SMARCA2: variants seen among roughly 807,000 people sequenced by gnomAD.
SMARCA2 encodes SWI/SNF-related matrix-associated actin-dependent regulator of chromatin subfamily A member 2.
Under a neutral mutation model 199.8 loss-of-function variants are expected in SMARCA2, and 61 were observed. That is an observed-to-expected ratio of 0.31 (90% confidence interval 0.25 to 0.38). The LOEUF (loss-of-function observed/expected upper bound fraction) is 0.38, where lower values mean the gene tolerates loss of function less well. SMARCA2 is among the 10% of genes least tolerant of loss of function. The probability of loss-of-function intolerance (pLI) is 1.00; values close to 1 mark genes in which losing one functional copy is unlikely to be tolerated. For missense variants in SMARCA2, 1,344 were observed against 2,012.2 expected, an observed-to-expected ratio of 0.67 and a Z score of 6.35; for synonymous variants, 935 against 732.0, an observed-to-expected ratio of 1.28 and a Z score of -4.48.
chr9:2,106,144 G>A (rs1275062598), intron 23 of SMARCA2, among the ~76,000 whole-genome samples: 1 of 152,190 alleles, frequency 6.6e-6, no homozygotes, highest in African/African-American at 2.4e-5. Flanking sequence ...CTGTCAACCA[G>A]TGTGCCATTA....
chr9:2,021,902 G>C (rs1461370054), intron 1 of SMARCA2: 1 of 150,452 alleles, frequency 6.6e-6, no homozygotes, highest in Non-Finnish European at 1.5e-5. Flanking sequence ...GTTGCTGTAG[G>C]GGGAGGGCAG....
intron 27 of SMARCA2, among the ~76,000 whole-genome samples, chr9:2,136,658 C>G (rs1824209653): frequency 6.6e-6 from 1 of 152,214 alleles, no homozygotes; most frequent in African/African-American, 2.4e-5. Flanking sequence ...TCATGGCAGA[C>G]CCACCTTATT....
chr9:2,091,244 C>G (rs1822044198), intron 19 of SMARCA2, among the ~76,000 whole-genome samples: 1 of 152,174 alleles, frequency 6.6e-6, no homozygotes, highest in Admixed American at 6.5e-5. Flanking sequence ...CTGGTATTTC[C>G]TGGTACTACT....
At chr9:2,026,379 TC>T (rs1257537789) in intron 1 of SMARCA2, among the ~76,000 whole-genome samples, 1 of 152,178 alleles carries the variant, frequency 6.6e-6, no homozygotes, top group Non-Finnish European at 1.5e-5. Context: ...ATTTTCCACT[TC>T]CCTTCCAACA....
At chr9:2,040,213 T>A (rs1177182729) in intron 4 of SMARCA2, 14 of 569,010 alleles carry the variant, frequency 2.5e-5, no homozygotes, top group Non-Finnish European at 4.3e-5. Flanking sequence ...ACACACAAGG[T>A]TAAGAACCTC....
chr9:2,085,623 G>A (rs1303372538), intron 17 of SMARCA2: 1 of 151,938 alleles, frequency 6.6e-6, no homozygotes, highest in Non-Finnish European at 1.5e-5. Context: ...CTTAGAGGTG[G>A]TGGAGGAAGG....
At chr9:2,186,923 G>GTGGTTC (rs1295546717) in intron 32 of SMARCA2, among the ~76,000 whole-genome samples, 1 of 152,184 alleles carries the variant, frequency 6.6e-6, no homozygotes, top group African/African-American at 2.4e-5. Context: ...CTTTACCACG[G>GTGGTTC]TGGTTCTCAA....
Position 2,085,509 on chromosome 9 carries a change from A to AG in SMARCA2, c.2526+1315dup, listed in dbSNP as rs915989818. On this transcript the variant is annotated intron_variant, in intron 17 of 33. Transcript: ENST00000349721. Reference sequence around the variant, plus strand: ...CTAAATTAGGCAGGAAAGTAGATTTAGGATATTTATTTAAATATATTTTTT... The same window carrying AG: ...CTAAATTAGGCAGGAAAGTAGATTTAGGGATATTTATTTAAATATATTTTTT... 2.4e-4 allele frequency among the ~76,000 whole-genome samples: 36 copies of AG among 152,350 alleles called. 1 individual carries two copies. Among genetic ancestry groups the AG allele is most frequent in the African/African-American group, 8.7e-4 (36 of 41,582 alleles).
chr9:2,107,804 T>C (rs1223361964), intron 23 of SMARCA2, among the ~76,000 whole-genome samples: 1 of 152,202 alleles, frequency 6.6e-6, no homozygotes, highest in African/African-American at 2.4e-5. Flanking sequence ...CTTATGTTAC[T>C]GGCCAGATCC....
intron 3 of SMARCA2, among the ~76,000 whole-genome samples, chr9:2,034,291 C>G (rs1014771346): frequency 1.3e-5 from 2 of 151,578 alleles, no homozygotes; most frequent in African/African-American, 2.4e-5. Flanking sequence ...GGCACATTCC[C>G]AGGTACTGGG....
intron 29 of SMARCA2, among the ~76,000 whole-genome samples, chr9:2,177,135 T>C (rs901367772): frequency 6.6e-6 from 1 of 152,158 alleles, no homozygotes; most frequent in Non-Finnish European, 1.5e-5. Flanking sequence ...TTCAATGATA[T>C]ATATTAAACT....
intron 21 of SMARCA2, among the ~76,000 whole-genome samples, chr9:2,100,134 G>A (rs766306170): frequency 6.6e-6 from 1 of 152,074 alleles, no homozygotes; most frequent in Non-Finnish European, 1.5e-5. Context: ...GACAGCCGGT[G>A]GCTGATGTGA....
In SMARCA2 at chr9:2,186,239, A is replaced by G. The variant is rs986431302; in HGVS notation, c.4594+11A>G. 15 of 1,611,206 alleles carry G rather than the reference A, an allele frequency of 9.3e-6. No homozygotes were observed. Among genetic ancestry groups the G allele is most frequent in the Non-Finnish European group, 1.1e-5 (13 of 1,178,294 alleles). Reference sequence around the variant, plus strand: ...AGTCAGAGTCCGAGGGTAAGCCCAGACATTCGGGTCCTGTACATCTTTGCC... The same window carrying G: ...AGTCAGAGTCCGAGGGTAAGCCCAGGCATTCGGGTCCTGTACATCTTTGCC... On this transcript the variant is annotated intron_variant, in intron 32 of 33. Coordinates refer to ENST00000349721, the MANE Select transcript of SMARCA2 (RefSeq NM_003070.5).
chr9:2,089,881 A>G lies in SMARCA2; in HGVS notation c.2883+1268A>G, dbSNP rs112444705. Among the ~76,000 whole-genome samples the G allele has an allele frequency of 1.4e-3, 215 of 152,310 alleles. 1 individual carries two copies. Among genetic ancestry groups the G allele is most frequent in the African/African-American group, 5.0e-3 (207 of 41,578 alleles). ...ATAGAGATGGAATGTTAAACATTTTAATTTATCCCATAATTTCTTTTTTTT... is the reference window on the plus strand; with the variant it reads ...ATAGAGATGGAATGTTAAACATTTTGATTTATCCCATAATTTCTTTTTTTT... On this transcript the variant is annotated intron_variant, in intron 19 of 33. Coordinates refer to ENST00000349721, the MANE Select transcript of SMARCA2 (RefSeq NM_003070.5).
At chr9:2,092,458 T>C (rs1822100796) in intron 19 of SMARCA2, among the ~76,000 whole-genome samples, 1 of 152,242 alleles carries the variant, frequency 6.6e-6, no homozygotes, top group Non-Finnish European at 1.5e-5. Context: ...TTGAATCATA[T>C]TGTTTACAAA....
At chr9:2,175,154 G>GAT (rs1197556478) in intron 29 of SMARCA2, among the ~76,000 whole-genome samples, 1 of 152,106 alleles carries the variant, frequency 6.6e-6, no homozygotes, top group Non-Finnish European at 1.5e-5. Context: ...CATTTAGTCA[G>GAT]ATGGGCAGTG....
intron 18 of SMARCA2, among the ~76,000 whole-genome samples, chr9:2,087,714 A>T (rs1362476762): frequency 6.6e-6 from 1 of 152,228 alleles, no homozygotes; most frequent in Non-Finnish European, 1.5e-5. Context: ...AGAAATGGGC[A>T]CGTGTCATTT....
chr9:2,182,051 A>C, intron 30 of SMARCA2, 90 bp from the exon 31 acceptor site: 1 of 887,764 alleles, frequency 1.1e-6, no homozygotes, highest in South Asian at 1.3e-5. Flanking sequence ...TGTGAAGACA[A>C]AGGGAAAATC....
At chr9:2,051,531 A>G (rs1449740679) in intron 5 of SMARCA2, among the ~76,000 whole-genome samples, 2 of 152,104 alleles carry the variant, frequency 1.3e-5, no homozygotes, top group Non-Finnish European at 2.9e-5. Flanking sequence ...TCTCTACCCT[A>G]TCACCCCAGT....
Sources: allele counts gnomAD v4.1 joint callset (sites outside exome capture counted in the v4.1 genomes callset), GRCh38; gene constraint gnomAD v4.1.1; transcripts MANE v1.5; gene names NCBI Gene and HGNC (gene_info 2026-07-23, HGNC 2026-07-21).